The following KCTD8 variants were observed in gnomAD, a reference collection of about 807,000 sequenced individuals.
The protein encoded by KCTD8 is potassium channel tetramerization domain containing 8, also known as BTB/POZ domain-containing protein KCTD8.
KCTD8 carries 27 observed loss-of-function variants against 31.5 expected under a neutral mutation model. That is an observed-to-expected ratio of 0.86 (90% CI 0.63 to 1.18). The LOEUF (loss-of-function observed/expected upper bound fraction) is 1.18, where lower values mean the gene tolerates loss of function less well. KCTD8 is among the 50% of genes most tolerant of loss of function. KCTD8 has a pLI of 0.00. For synonymous variants in KCTD8, 290 were observed against 280.0 expected, an observed-to-expected ratio of 1.04 and a Z score of -0.36; for missense variants, 658 against 647.7, an observed-to-expected ratio of 1.02 and a Z score of -0.17.
At chr4:44,199,820 A>C (rs750413947) in intron 1 of KCTD8, among the ~76,000 whole-genome samples, 1 of 152,022 alleles carries the variant, frequency 6.6e-6, no homozygotes, top group Non-Finnish European at 1.5e-5. Context: ...GAACTGAATG[A>C]AACTGAGATG....
At chr4:44,201,575 C>T (rs1057045071) in intron 1 of KCTD8, among the ~76,000 whole-genome samples, 6 of 151,876 alleles carry the variant, frequency 4.0e-5, no homozygotes, top group Non-Finnish European at 8.8e-5. Context: ...ATTCAATAAA[C>T]GATGTTGGGA....
chr4:44,367,958 A>C (rs751936029), intron 1 of KCTD8, among the ~76,000 whole-genome samples: 17 of 152,220 alleles, frequency 1.1e-4, no homozygotes, highest in Non-Finnish European at 2.4e-4. Context: ...AGATGTCATG[A>C]AGCTGAAGGC....
intron 1 of KCTD8, among the ~76,000 whole-genome samples, chr4:44,180,587 GCACACACACA>G (rs201708007): frequency 7.2e-6 from 1 of 139,130 alleles, no homozygotes; most frequent in Non-Finnish European, 1.6e-5. Context: ...ATACATACAT[GCACACACACA>G]CACACACACA....
intron 1 of KCTD8, among the ~76,000 whole-genome samples, chr4:44,306,142 G>A (rs1270251142): frequency 6.6e-6 from 1 of 151,714 alleles, no homozygotes; most frequent in East Asian, 1.9e-4. Flanking sequence ...CAAAATCAAA[G>A]GAAGTGGAAG....
intron 1 of KCTD8, among the ~76,000 whole-genome samples, chr4:44,265,447 A>G (rs1002751881): frequency 1.3e-5 from 2 of 152,140 alleles, no homozygotes; most frequent in African/African-American, 4.8e-5. Flanking sequence ...TGGGGAAAAA[A>G]CAGAGCAGAA....
At chr4:44,273,918 A>G (rs1716680338) in intron 1 of KCTD8, among the ~76,000 whole-genome samples, 1 of 151,924 alleles carries the variant, frequency 6.6e-6, no homozygotes, top group Non-Finnish European at 1.5e-5. Context: ...GAGGACAAAA[A>G]CATAGATTGT....
intron 1 of KCTD8, among the ~76,000 whole-genome samples, chr4:44,352,427 T>C (rs1719226878): frequency 6.7e-6 from 1 of 149,186 alleles, no homozygotes; most frequent in African/African-American, 2.5e-5. Context: ...AAAAAGAGAA[T>C]AGGACATAAA....
At chr4:44,440,701 C>CTCTG (rs1553908396) in intron 1 of KCTD8, among the ~76,000 whole-genome samples, 1 of 152,202 alleles carries the variant, frequency 6.6e-6, no homozygotes, top group African/African-American at 2.4e-5. Flanking sequence ...TGGCCTTAGC[C>CTCTG]TCTGCCCTGA....
chr4:44,314,791 A>G (rs1320486740), intron 1 of KCTD8, among the ~76,000 whole-genome samples: 2 of 151,608 alleles, frequency 1.3e-5, no homozygotes, highest in African/African-American at 2.4e-5. Context: ...TAATGGTTGG[A>G]TGATATTCCA....
At chr4:44,429,165 TA>T (rs1424947081) in intron 1 of KCTD8, among the ~76,000 whole-genome samples, 2 of 151,650 alleles carry the variant, frequency 1.3e-5, no homozygotes, top group Non-Finnish European at 3.0e-5. Context: ...TGTTGTGTCA[TA>T]AAATCAAGGA....
At chr4:44,283,728 C>T (rs557776445) in intron 1 of KCTD8, among the ~76,000 whole-genome samples, 199 of 152,204 alleles carry the variant, frequency 1.3e-3, no homozygotes, top group Non-Finnish European at 2.6e-3. Context: ...TTAGAAAACT[C>T]CATCGTCTCA....
At chr4:44,241,610 C>T (rs537187017) in intron 1 of KCTD8, among the ~76,000 whole-genome samples, 1 of 152,300 alleles carries the variant, frequency 6.6e-6, no homozygotes, top group East Asian at 1.9e-4. Context: ...AAGATGAATA[C>T]TATTTATTTA....
intron 1 of KCTD8, among the ~76,000 whole-genome samples, chr4:44,282,664 A>T: frequency 6.6e-6 from 1 of 152,162 alleles, no homozygotes; most frequent in African/African-American, 2.4e-5. Flanking sequence ...GGAAAGTAAA[A>T]GTGCTAAGCC....
At chr4:44,279,275 T>C (rs928841364) in intron 1 of KCTD8, among the ~76,000 whole-genome samples, 1 of 152,064 alleles carries the variant, frequency 6.6e-6, no homozygotes, top group Non-Finnish European at 1.5e-5. Flanking sequence ...GTGTAAAGTC[T>C]CACAAGGATG....
intron 1 of KCTD8, among the ~76,000 whole-genome samples, chr4:44,201,757 G>GC (rs1205134581): frequency 6.6e-6 from 1 of 151,724 alleles, no homozygotes; most frequent in African/African-American, 2.4e-5. Flanking sequence ...ATTTTTTAAG[G>GC]CCCCCAAAGC....
chr4:44,448,528 C>T lies in KCTD8; in HGVS notation c.-5G>A. On this transcript the variant is annotated 5_prime_UTR_variant, in exon 1 of 2. Transcript: ENST00000360029. The surrounding 1 kb of genome is among the most constrained non-coding windows in gnomAD (Gnocchi z 4.1). ...GCCCGTGTCCTTCAGAGCCATAGTCCCCCCGCCGCCGGCCCAGTGACCCGA... is the reference window on the plus strand; with the variant it reads ...GCCCGTGTCCTTCAGAGCCATAGTCTCCCCGCCGCCGGCCCAGTGACCCGA... 2.1e-6 allele frequency: 3 copies of T among 1,453,696 alleles called. No individual in the cohort carries two copies. The highest frequency in any genetic ancestry group is 2.6e-5 in the East Asian group (1 of 39,200). 90.0% of individuals were successfully genotyped at this position (1,453,696 alleles called of 1,614,324 possible).
intron 1 of KCTD8, among the ~76,000 whole-genome samples, chr4:44,220,351 A>G (rs1714772316): frequency 6.6e-6 from 1 of 152,198 alleles, no homozygotes; most frequent in Non-Finnish European, 1.5e-5. Context: ...GAATTGATAA[A>G]TCTTCAGAAG....
At chr4:44,369,814 A>T (rs935259681) in intron 1 of KCTD8, among the ~76,000 whole-genome samples, 5 of 122,794 alleles carry the variant, frequency 4.1e-5, no homozygotes, top group East Asian at 6.1e-4. Context: ...ATATAAAAAT[A>T]AAAAAAAAAG....
At chr4:44,175,283 G>C (rs1314777093) in intron 1 of KCTD8, 33 bp from the exon 2 acceptor site, 1 of 1,272,692 alleles carries the variant, frequency 7.9e-7, no homozygotes, top group Non-Finnish European at 1.1e-6. Context: ...AAGAAGAGTA[G>C]AACAGTTGAA....
Sources: allele counts gnomAD v4.1 joint callset (sites outside exome capture counted in the v4.1 genomes callset), GRCh38; gene constraint gnomAD v4.1.1; non-coding constraint Gnocchi (gnomAD v3.1); transcripts MANE v1.5; gene names NCBI Gene and HGNC (gene_info 2026-07-23, HGNC 2026-07-21).